The following ARNT variants were observed in gnomAD, a reference collection of about 807,000 sequenced individuals.
ARNT encodes class E basic helix-loop-helix protein 2.
ARNT carries 30 observed loss-of-function variants against 105.0 expected under a neutral mutation model. The observed-to-expected ratio is 0.29, with a 90% CI of 0.21 to 0.39. The LOEUF is 0.39. Ranked by LOEUF, ARNT falls within the 10% of genes least tolerant of loss-of-function variation. The pLI is 1.00. For synonymous variants in ARNT, 304 were observed against 344.0 expected (o/e 0.88, Z 1.29); for missense variants, 748 against 978.7 (o/e 0.76, Z 3.15).
intron 3 of ARNT, among the ~76,000 whole-genome samples, chr1:150,847,425 CAAAA>C (rs587697329): frequency 1.1e-5 from 1 of 91,750 alleles, no homozygotes; most frequent in African/African-American, 4.5e-5. Flanking sequence ...GACTCCGTCT[CAAAA>C]AAAAAAAAAA....
rs1571223301 is a variant in ARNT at position 150,823,343 on chromosome 1, T to C, written c.1245A>G (p.Val415=). The C allele has an allele frequency of 3.1e-6, 5 of 1,592,598 alleles. No homozygotes were observed. The East Asian group carries it at 6.7e-5, about 21-fold the overall frequency. The change falls in exon 14 of 22, where the codon GTA becomes GTG. Residue 415 remains valine (V), a splice_region_variant and synonymous_variant. Transcript: ENST00000358595. The part of the protein sequence containing the change: ...QQLLRDSFQQ[V]VKLKGQVLSV... ...ACAGCACTTGGCCTTTTAATTTCAC[T>C]ACCTGAAAAAGTTTTCATGCCATCA...
intron 15 of ARNT, 112 bp from the exon 16 acceptor site, chr1:150,817,545 T>C (rs1260404261): frequency 3.9e-6 from 4 of 1,017,806 alleles, no homozygotes; most frequent in Non-Finnish European, 5.8e-6. Context: ...TGGTGGCTCA[T>C]GCCTGTAATC....
intron 1 of ARNT, among the ~76,000 whole-genome samples, chr1:150,862,410 C>A (rs768169163): frequency 1.6e-4 from 24 of 152,032 alleles, no homozygotes; most frequent in Non-Finnish European, 3.2e-4. Context: ...TTTTGGGAAT[C>A]CTTCAAATTT....
intron 15 of ARNT, 105 bp downstream of exon 15, chr1:150,817,813 CAA>C (rs35672926): frequency 0.024 from 15,970 of 675,358 alleles, 585 homozygotes; most frequent in African/African-American, 0.2. Context: ...AACTCCTTCT[CAA>C]AAAAAAAAAA....
In ARNT at chr1:150,811,501, TACTC is replaced by T. The variant is rs1490474740; in HGVS notation, c.*516_*519del. 1 of 231,800 alleles carries T rather than the reference TACTC, an allele frequency of 4.3e-6. No homozygotes were observed. 14.4% of individuals were successfully genotyped at this position (231,800 alleles called of 1,614,324 possible). A position where few individuals can be genotyped will look rare whatever the true frequency, so the allele number is the denominator to read the frequency against. ...ACATACACACACACTCTCTCTCACT[TACTC>T]ACATGTTTCTTTCCAGAGGGACTGC... is the stretch of plus-strand genomic sequence containing the variant. On this transcript the variant is annotated 3_prime_UTR_variant, in exon 22 of 22. Coordinates refer to ENST00000358595, the MANE Select transcript of ARNT (RefSeq NM_001668.4).
At chr1:150,837,352 TACTG>T (rs1159518347) in intron 6 of ARNT, among the ~76,000 whole-genome samples, 1 of 152,180 alleles carries the variant, frequency 6.6e-6, no homozygotes, top group Non-Finnish European at 1.5e-5. Context: ...CACTCTAAAC[TACTG>T]TTTTCCTGTT....
intron 1 of ARNT, 131 bp from the exon 2 acceptor site, chr1:150,858,591 G>A (rs1408827119): frequency 1.5e-6 from 1 of 683,964 alleles, no homozygotes; most frequent in South Asian, 2.0e-5. Context: ...AATCCCAAAT[G>A]CTCATATCCA....
chr1:150,813,468 A>G (rs1655162925), intron 20 of ARNT, 130 bp from the exon 21 acceptor site: 2 of 917,740 alleles, frequency 2.2e-6, no homozygotes, highest in Non-Finnish European at 3.0e-6. Flanking sequence ...CTCTCTGCCA[A>G]TCAATGCCTT....
intron 1 of ARNT, among the ~76,000 whole-genome samples, chr1:150,863,826 A>G (rs1247896657): frequency 6.6e-6 from 1 of 152,140 alleles, no homozygotes; most frequent in African/African-American, 2.4e-5. Flanking sequence ...AAAAAAAAAA[A>G]GTAAAGAAGA....
rs1654582412 is a variant in ARNT at position 150,810,771 on chromosome 1, T to A, written c.*1250A>T. 1 of 220,948 alleles carries A rather than the reference T, an allele frequency of 4.5e-6. No individual in the cohort carries two copies. Among genetic ancestry groups the A allele is most frequent in the Admixed American group, 5.8e-5 (1 of 17,296 alleles). The allele number at this position is 220,948 out of a possible 1,614,324, so 13.7% of individuals were successfully genotyped here. A position where few individuals can be genotyped will look rare whatever the true frequency, so the allele number is the denominator to read the frequency against. On this transcript the variant is annotated 3_prime_UTR_variant, in exon 22 of 22. Transcript: ENST00000358595. ...TGTTGAGATGGGTGTCCAGGCCCCATCTATCATACGGAATTATGATACTTG... is the reference window on the plus strand; with the variant it reads ...TGTTGAGATGGGTGTCCAGGCCCCAACTATCATACGGAATTATGATACTTG...
At chr1:150,862,248 C>T (rs587620586) in intron 1 of ARNT, among the ~76,000 whole-genome samples, 4 of 152,182 alleles carry the variant, frequency 2.6e-5, no homozygotes, top group African/African-American at 9.6e-5. Flanking sequence ...TGCACAGGTG[C>T]CAGTACTTCC....
rs1425267549 is a variant in ARNT, at chr1:150,816,290, G to A, written c.1919C>T (p.Thr640Ile). Residue 640 changes from threonine to isoleucine, a missense_variant, in exon 19 of 22, where the codon ACC becomes ATC. Thr to Ile is a moderately conservative substitution (Grantham distance 89). This residue lies in a region of ARNT where 360 missense variants were observed against 411.9 expected (regional missense o/e 0.87). Transcript: ENST00000358595. The part of the protein sequence containing the change: ...NPTQGATPTW[T>I]PTTRSGFSAQ... ...AGAAAAGCCTGAGCGGGTAGTAGGG[G>A]TCCAAGTTGGGGTTGCTCCTTGGGT... 3.7e-6 allele frequency: 6 copies of A among 1,607,818 alleles called. No homozygotes were observed. Among genetic ancestry groups the A allele is most frequent in the Admixed American group, 1.7e-5 (1 of 57,902 alleles).
At chr1:150,852,001 T>C (rs1438124426) in intron 3 of ARNT, among the ~76,000 whole-genome samples, 2 of 151,662 alleles carry the variant, frequency 1.3e-5, no homozygotes, top group Non-Finnish European at 2.9e-5. Context: ...TGAGCCGAGA[T>C]TGCACCACTG....
intron 1 of ARNT, among the ~76,000 whole-genome samples, chr1:150,860,055 A>C (rs1665339558): frequency 1.3e-5 from 2 of 151,816 alleles, no homozygotes; most frequent in African/African-American, 4.8e-5. Flanking sequence ...TGGAGGCCTG[A>C]TCTTCAACTT....
intron 13 of ARNT, among the ~76,000 whole-genome samples, chr1:150,823,810 A>G (rs587753479): frequency 1.3e-5 from 2 of 150,160 alleles, no homozygotes; most frequent in African/African-American, 4.9e-5. Context: ...TCGGCCTCCC[A>G]AAGTGCTGGG....
rs939048864 is a variant in ARNT, at chr1:150,826,614, G to T, written c.1171C>A (p.Leu391Ile). ...VATVGYQPQE[L>I]LGKNIVEFCH... ...AATTCTACAATATTCTTTCCTAAGAGTTCCTAGAATACAGAAAGAAGAGTA... is the reference window on the plus strand; with the variant it reads ...AATTCTACAATATTCTTTCCTAAGATTTCCTAGAATACAGAAAGAAGAGTA... Residue 391 changes from leucine to isoleucine, a missense_variant, in exon 13 of 22, where the codon CTC becomes ATC. Leu to Ile is a conservative substitution (Grantham distance 5). Coordinates refer to ENST00000358595, the MANE Select transcript of ARNT (RefSeq NM_001668.4). 1.2e-6 allele frequency: 2 copies of T among 1,606,896 alleles called. No individual in the cohort carries two copies. Among genetic ancestry groups the T allele is most frequent in the Admixed American group, 1.7e-5 (1 of 59,912 alleles).
intron 7 of ARNT, 89 bp from the exon 8 acceptor site, chr1:150,834,729 T>C: frequency 8.9e-7 from 1 of 1,125,286 alleles, no homozygotes; most frequent in East Asian, 2.4e-5. Context: ...TAAGTAAGCA[T>C]CCTATTCATG....
At chr1:150,814,312 G>C in intron 19 of ARNT, 73 bp from the exon 20 acceptor site, 1 of 1,410,932 alleles carries the variant, frequency 7.1e-7, no homozygotes, top group Non-Finnish European at 9.8e-7. Context: ...GCCTATGAGA[G>C]TCAACACTGT....
chr1:150,872,556 C>T (rs1667618897), intron 1 of ARNT, among the ~76,000 whole-genome samples: 2 of 152,222 alleles, frequency 1.3e-5, no homozygotes, highest in Non-Finnish European at 2.9e-5. Flanking sequence ...ACACTTACTA[C>T]AAACTCATTC....
Sources: gnomAD v4.1 joint callset for allele counts (sites outside exome capture counted in the v4.1 genomes callset) on GRCh38, gnomAD v4.1.1 for gene constraint, gnomAD v4.1.1 regional missense constraint, MANE v1.5 for transcripts, NCBI Gene and HGNC (gene_info 2026-07-23, HGNC 2026-07-21) for gene names.